The following SPEG variants were observed in gnomAD, a reference collection of about 807,000 sequenced individuals.
SPEG encodes striated muscle preferentially expressed protein kinase.
A neutral mutation model predicts 300.4 loss-of-function variants in SPEG; 114 were observed. The observed-to-expected ratio is 0.38, with a 90% CI of 0.33 to 0.44. SPEG has a LOEUF of 0.44. SPEG is among the 20% of genes least tolerant of loss of function. The pLI, the probability that SPEG is intolerant of heterozygous loss-of-function variation, is 1.00. For synonymous variants in SPEG, 1,964 were observed against 2,018.9 expected (o/e 0.97, Z 0.73); for missense variants, 4,201 against 4,586.2 (o/e 0.92, Z 2.43).
chr2:219,452,226 C>G (rs1024180865), intron 6 of SPEG, among the ~76,000 whole-genome samples: 18 of 152,126 alleles, frequency 1.2e-4, no homozygotes, highest in Admixed American at 6.5e-5. Context: ...AGACAGTCCC[C>G]CCTCCCAGTA....
intron 18 of SPEG, 110 bp from the exon 19 acceptor site, chr2:219,476,760 C>CA: frequency 1.3e-6 from 1 of 784,236 alleles, no homozygotes; most frequent in Admixed American, 2.3e-5. Context: ...GGGGGTCTAG[C>CA]GTTCTGACTG....
chr2:219,475,430 G>A (rs1026093017), intron 18 of SPEG, among the ~76,000 whole-genome samples: 7 of 152,226 alleles, frequency 4.6e-5, no homozygotes, highest in African/African-American at 1.7e-4. Context: ...AGCCCATGGG[G>A]GACAGGATTC....
rs886043508 is a variant in SPEG, at chr2:219,483,681, G to A, written c.6218G>A (p.Arg2073Gln). Residue 2073 changes from arginine to glutamine, a missense_variant, in exon 30 of 41, where the codon CGG (arginine) becomes CAG (glutamine). Arg to Gln is a conservative substitution (Grantham distance 43). This residue lies in a region of SPEG where 1,578 missense variants were observed against 1,506.0 expected (regional missense o/e 1.05). Coordinates refer to ENST00000312358, the MANE Select transcript of SPEG (RefSeq NM_005876.5). ...YAQRLQALRQ[R>Q]LLRGGPEDGK... is the part of the protein sequence containing the mutation. Reference sequence around the variant, plus strand: ...CAGAGGCTGCAGGCCCTGCGCCAGCGGCTGCTGCGGGGAGGCCCCGAGGAT... The same window carrying A: ...CAGAGGCTGCAGGCCCTGCGCCAGCAGCTGCTGCGGGGAGGCCCCGAGGAT... The A allele has an allele frequency of 2.0e-6, 3 of 1,533,488 alleles. No individual in the cohort carries two copies. The highest frequency in any genetic ancestry group is 2.8e-5 in the African/African-American group (2 of 72,562). 95.0% of individuals were successfully genotyped at this position (1,533,488 alleles called of 1,614,324 possible). A position where few individuals can be genotyped will look rare whatever the true frequency, so the allele number is the denominator to read the frequency against.
Position 219,439,015 on chromosome 2 carries a change from T to C in SPEG, c.388+3650T>C, listed in dbSNP as rs1407571261. Among the ~76,000 whole-genome samples the C allele has an allele frequency of 6.6e-6, 1 of 152,182 alleles. No homozygotes were observed. Among genetic ancestry groups the C allele is most frequent in the East Asian group, 1.9e-4 (1 of 5,192 alleles). Reference sequence around the variant, plus strand: ...GGAATGGGTATGGGGAGTGTCAACATGCATGCATGCCAAGTGCTGACCAGT... The same window carrying C: ...GGAATGGGTATGGGGAGTGTCAACACGCATGCATGCCAAGTGCTGACCAGT... On this transcript the variant is annotated intron_variant, in intron 1 of 40. Coordinates refer to ENST00000312358, the MANE Select transcript of SPEG (RefSeq NM_005876.5). This position sits in a 1 kb window ranked among gnomAD's most constrained non-coding sequence, Gnocchi z 4.5.
Position 219,443,138 on chromosome 2 carries a change from C to G in SPEG, c.389-1515C>G, listed in dbSNP as rs527794281. On this transcript the variant is annotated intron_variant, in intron 1 of 40. Transcript: ENST00000312358. The surrounding 1 kb of genome is among the most constrained non-coding windows in gnomAD (Gnocchi z 4.6). ...CGGCCATTCCCGCCGGGCCTTTGGC[C>G]GACTCACCCATGGTGCGTGGACCGT... 2.5e-6 allele frequency: 4 copies of G among 1,612,690 alleles called. No homozygotes were observed. The highest frequency in any genetic ancestry group is 2.2e-5 in the South Asian group (2 of 91,064).
rs1365321694 is a variant in SPEG, at chr2:219,483,427, C to A, written c.5964C>A (p.Ser1988Arg). ...RAPSQDQEAPSPEALPSPGQE... is the reference protein window; with the variant it reads ...RAPSQDQEAPRPEALPSPGQE... ...CCTCTCAGGACCAGGAGGCTCCCAG[C>A]CCAGAGGCCCTCCCCTCCCCAGGCC... is the stretch of plus-strand genomic sequence containing the variant. Residue 1988 changes from serine (S) to arginine (R), a missense_variant, in exon 30 of 41, where the codon AGC becomes AGA. Transcript: ENST00000312358. The A allele has an allele frequency of 6.4e-7, 1 of 1,567,632 alleles. No individual in the cohort carries two copies. Among genetic ancestry groups the A allele is most frequent in the Non-Finnish European group, 8.6e-7 (1 of 1,164,088 alleles).
rs1375415097 is a variant in SPEG at position 219,444,059 on chromosome 2, G to A, written c.389-594G>A. 2 of 1,365,334 alleles carry A rather than the reference G, an allele frequency of 1.5e-6. No individual in the cohort carries two copies. Among genetic ancestry groups the A allele is most frequent in the South Asian group, 2.3e-5 (2 of 87,570 alleles). The allele number at this position is 1,365,334 out of a possible 1,614,324, so 84.6% of individuals were successfully genotyped here. On this transcript the variant is annotated intron_variant, in intron 1 of 40. Coordinates refer to ENST00000312358, the MANE Select transcript of SPEG (RefSeq NM_005876.5). This position sits in a 1 kb window ranked among gnomAD's most constrained non-coding sequence, Gnocchi z 7.8. ...CCGCTCCTGCAGAAAGCAAAGTTAC[G>A]GTAGGAAACTGGCTCCTGCTCTAGC...
In SPEG at chr2:219,464,594, G is replaced by T. The variant is rs768824686; in HGVS notation, c.2867G>T (p.Arg956Leu). Reference protein sequence around the residue: ...NEYGARQCEARLEVRAHPESR... With the variant: ...NEYGARQCEALLEVRAHPESR... ...TATGGTGCTCGGCAGTGCGAGGCCC[G>T]CTTGGAGGTCCGAGGTGAGTACCTG... The change falls in exon 9 of 41, where the codon CGC becomes CTC. Residue 956 changes from arginine (R) to leucine (L), a missense_variant. Physicochemically the swap from Arg to Leu is moderately radical, Grantham distance 102. This residue lies in a region of SPEG where 1,047 missense variants were observed against 1,356.8 expected (regional missense o/e 0.77). Coordinates refer to ENST00000312358, the MANE Select transcript of SPEG (RefSeq NM_005876.5). The surrounding 1 kb of genome is among the most constrained non-coding windows in gnomAD (Gnocchi z 4.5). 1.2e-6 allele frequency: 2 copies of T among 1,613,986 alleles called. No individual in the cohort carries two copies. The highest frequency in any genetic ancestry group is 1.7e-6 in the Non-Finnish European group (2 of 1,179,860).
chr2:219,486,202 G>A (rs1044452761), intron 31 of SPEG, among the ~76,000 whole-genome samples: 2 of 152,264 alleles, frequency 1.3e-5, no homozygotes, highest in Admixed American at 6.5e-5. Flanking sequence ...CTCCAGATAG[G>A]GAGGCATTCC....
chr2:219,485,692 G>T (rs932468230), intron 31 of SPEG, among the ~76,000 whole-genome samples: 20 of 152,344 alleles, frequency 1.3e-4, no homozygotes, highest in African/African-American at 4.3e-4. Context: ...ATTCAATCCT[G>T]CAGCACTGTT....
intron 6 of SPEG, chr2:219,460,575 A>G: frequency 2.5e-5 from 25 of 985,404 alleles, no homozygotes; most frequent in Non-Finnish European, 3.0e-5. Flanking sequence ...TGCTCTTGTC[A>G]GGGTCTGAAG....
chr2:219,448,379 C>T lies in SPEG; in HGVS notation c.1221C>T (p.Phe407=), dbSNP rs1437149146. Residue 407 remains phenylalanine (F), a synonymous_variant, in exon 4 of 41, where the codon TTC becomes TTT. Transcript: ENST00000312358. ...GSRILDKLQF[F]EERRRSLERS... ...GCATCCTGGACAAGCTGCAGTTCTTCGAGGAGCGACGGCGCAGCCTGGAGC... is the reference window on the plus strand; with the variant it reads ...GCATCCTGGACAAGCTGCAGTTCTTTGAGGAGCGACGGCGCAGCCTGGAGC... 3.9e-6 allele frequency: 6 copies of T among 1,558,294 alleles called. No homozygotes were observed. Among genetic ancestry groups the T allele is most frequent in the Non-Finnish European group, 4.3e-6 (5 of 1,154,778 alleles).
chr2:219,486,207 CA>C (rs1421008725), intron 31 of SPEG, among the ~76,000 whole-genome samples: 1 of 152,238 alleles, frequency 6.6e-6, no homozygotes, highest in Non-Finnish European at 1.5e-5. Flanking sequence ...GATAGGGAGG[CA>C]TTCCCCATGT....
intron 13 of SPEG, among the ~76,000 whole-genome samples, chr2:219,470,996 C>T (rs1247246496): frequency 6.6e-6 from 1 of 152,152 alleles, no homozygotes; most frequent in Non-Finnish European, 1.5e-5. Flanking sequence ...GATCTGACAA[C>T]GTCAGCCCTC....
chr2:219,436,067 G>A (rs1333694207), intron 1 of SPEG, among the ~76,000 whole-genome samples: 2 of 152,200 alleles, frequency 1.3e-5, no homozygotes, highest in Non-Finnish European at 2.9e-5. Context: ...GTGAGGTATG[G>A]GCACGTGGAG....
At position 219,464,703 on chromosome 2, in the gene SPEG, C is replaced by T; in HGVS notation, c.2881+95C>T. ...ACACAGCCTCAGTTAGAGGATGCCA[C>T]CACTGAAAGGGCCTTAAGGGGCCCC... is the stretch of plus-strand genomic sequence containing the variant. On this transcript the variant is annotated intron_variant, in intron 9 of 40. Coordinates refer to ENST00000312358, the MANE Select transcript of SPEG (RefSeq NM_005876.5). The surrounding 1 kb of genome is among the most constrained non-coding windows in gnomAD (Gnocchi z 4.5). 1.5e-6 allele frequency: 2 copies of T among 1,333,342 alleles called. No homozygotes were observed. Among genetic ancestry groups the T allele is most frequent in the Non-Finnish European group, 2.1e-6 (2 of 953,202 alleles). 82.6% of individuals were successfully genotyped at this position (1,333,342 alleles called of 1,614,324 possible). A position where few individuals can be genotyped will look rare whatever the true frequency, so the allele number is the denominator to read the frequency against.
rs113853448 is a variant in SPEG at position 219,483,098 on chromosome 2, C to A, written c.5635C>A (p.Arg1879Ser). Residue 1879 changes from arginine (R) to serine (S), a missense_variant and splice_region_variant, in exon 30 of 41, where the codon CGC (arginine) becomes AGC (serine). By Grantham distance (110) the Arg-to-Ser change is moderately radical. Around this residue, in one of 4 missense-constraint regions of SPEG, gnomAD observed 1,578 missense variants for 1,506.0 expected, o/e 1.05. Coordinates refer to ENST00000312358, the MANE Select transcript of SPEG (RefSeq NM_005876.5). ...TCTGACTCCAGTACCCTGTCTCCAG[C>A]GCTCCCAGATCAGCTACAAATGCCA... ...KLFLSRRRWQRSQISYKCHLV... is the reference protein window; with the variant it reads ...KLFLSRRRWQSSQISYKCHLV... The A allele has an allele frequency of 6.2e-7, 1 of 1,604,190 alleles. No homozygotes were observed. Among genetic ancestry groups the A allele is most frequent in the Admixed American group, 1.7e-5 (1 of 59,594 alleles).
chr2:219,468,160 T>C (rs1691545690), intron 10 of SPEG, among the ~76,000 whole-genome samples: 1 of 152,160 alleles, frequency 6.6e-6, no homozygotes, highest in African/African-American at 2.4e-5. Flanking sequence ...CTGCTCTGGG[T>C]CTGGGGAAGG....
rs891967494 is a variant in SPEG at position 219,439,607 on chromosome 2, G to A, written c.388+4242G>A. Reference sequence around the variant, plus strand: ...AAGTCTGGGTTTGGGGGAGTGGCAGGGAGACACAGCTGCCCAGCTATGGGA... The same window carrying A: ...AAGTCTGGGTTTGGGGGAGTGGCAGAGAGACACAGCTGCCCAGCTATGGGA... On this transcript the variant is annotated intron_variant, in intron 1 of 40. Coordinates refer to ENST00000312358, the MANE Select transcript of SPEG (RefSeq NM_005876.5). The surrounding 1 kb of genome is among the most constrained non-coding windows in gnomAD (Gnocchi z 4.5). Among the ~76,000 whole-genome samples, 3 of 152,090 alleles carry A rather than the reference G, an allele frequency of 2.0e-5. No homozygotes were observed. Among genetic ancestry groups the A allele is most frequent in the African/African-American group, 4.8e-5 (2 of 41,390 alleles).
Sources: allele counts gnomAD v4.1 joint callset (sites outside exome capture counted in the v4.1 genomes callset), GRCh38; gene constraint gnomAD v4.1.1; regional missense constraint gnomAD v4.1.1; non-coding constraint Gnocchi (gnomAD v3.1); transcripts MANE v1.5; gene names NCBI Gene and HGNC (gene_info 2026-07-23, HGNC 2026-07-21).